LRRC27: variants seen among roughly 807,000 people sequenced by gnomAD.
LRRC27 encodes the protein leucine-rich repeat-containing protein 27.
LRRC27 carries 57 observed loss-of-function variants against 55.0 expected under a neutral mutation model. The ratio of observed to expected loss-of-function variants is 1.04; its 90% confidence interval spans 0.84 to 1.29. The LOEUF is 1.29. Ranked by LOEUF, LRRC27 falls within the 50% of genes most tolerant of loss-of-function variation. The pLI is 0.00. For synonymous variants in LRRC27, 278 were observed against 251.9 expected, an observed-to-expected ratio of 1.10 and a Z score of -0.98; for missense variants, 721 against 651.5, an observed-to-expected ratio of 1.11 and a Z score of -1.16.
intron 6 of LRRC27, chr10:132,349,055 G>C: frequency 6.2e-7 from 1 of 1,603,496 alleles, no homozygotes; most frequent in Non-Finnish European, 8.5e-7. Flanking sequence ...ACACATATGG[G>C]AGGTATGTAT....
At chr10:132,366,921 G>A (rs777856435) in intron 10 of LRRC27, 147 of 1,284,312 alleles carry the variant, frequency 1.1e-4, no homozygotes, top group African/African-American at 1.7e-4. Flanking sequence ...AACCTGACTC[G>A]GACCCCACTT....
chr10:132,366,397 A>G (rs1044607421), intron 10 of LRRC27: 2 of 152,460 alleles, frequency 1.3e-5, no homozygotes, highest in Non-Finnish European at 2.9e-5. Context: ...AATGTTAACC[A>G]TCCTCTCAGC....
intron 10 of LRRC27, among the ~76,000 whole-genome samples, chr10:132,370,637 C>T (rs1008400558): frequency 8.5e-5 from 13 of 152,206 alleles, no homozygotes; most frequent in Non-Finnish European, 1.8e-4. Context: ...AGAGGGGTCC[C>T]TGAGACAGAC....
chr10:132,369,535 G>C lies in LRRC27; in HGVS notation c.1416+3985G>C, dbSNP rs773529826. ...TGGTGAAAGGATCATGGTGGCCCGG[G>C]TGGGGGTAGTAGGATATTGAGGGGT... is the stretch of plus-strand genomic sequence containing the variant. On this transcript the variant is annotated intron_variant, in intron 10 of 10. Transcript: ENST00000368614. 5.3e-5 allele frequency among the ~76,000 whole-genome samples: 8 copies of C among 152,060 alleles called. No individual in the cohort carries two copies. The East Asian group carries it at 9.6e-4, about 18-fold the overall frequency.
intron 3 of LRRC27, among the ~76,000 whole-genome samples, chr10:132,341,193 C>T (rs1278188018): frequency 2.0e-5 from 3 of 151,956 alleles, no homozygotes; most frequent in African/African-American, 4.8e-5. Context: ...CTCAGCCAGG[C>T]GTGGTGGCAC....
At chr10:132,339,287 C>G (rs1343276033) in intron 3 of LRRC27, among the ~76,000 whole-genome samples, 1 of 152,234 alleles carries the variant, frequency 6.6e-6, no homozygotes, top group East Asian at 1.9e-4. Context: ...CTTCACTTGC[C>G]TTGAACTCAC....
rs2069320964 is a variant in LRRC27 at position 132,375,305 on chromosome 10, G to T, written c.*63G>T. 52 of 1,500,060 alleles carry T rather than the reference G, an allele frequency of 3.5e-5. 1 individual carries two copies. In the South Asian group the frequency reaches 6.4e-4, roughly 18 times the overall value. The allele number at this position is 1,500,060 out of a possible 1,614,324, so 92.9% of individuals were successfully genotyped here. A position where few individuals can be genotyped will look rare whatever the true frequency, so the allele number is the denominator to read the frequency against. On this transcript the variant is annotated 3_prime_UTR_variant, in exon 11 of 11. Transcript: ENST00000368614. ...GGAGCCGCTCAGTCTTCTTTCCCGG[G>T]CGTCGCCTCCTGTGTGGTGCCGGAA...
At chr10:132,369,793 G>A (rs1480082061) in intron 10 of LRRC27, among the ~76,000 whole-genome samples, 1 of 152,104 alleles carries the variant, frequency 6.6e-6, no homozygotes, top group African/African-American at 2.4e-5. Flanking sequence ...ATCAAGTCCG[G>A]GTTTTTTAAA....
intron 8 of LRRC27, among the ~76,000 whole-genome samples, chr10:132,359,818 G>A (rs927416180): frequency 3.9e-5 from 6 of 152,234 alleles, no homozygotes; most frequent in Admixed American, 3.9e-4. Context: ...CATATTTTGG[G>A]CTTCACGTCA....
chr10:132,380,436 C>A lies in LRRC27; in HGVS notation c.*5194C>A, dbSNP rs1256062212. Among the ~76,000 whole-genome samples, 2 of 152,216 alleles carry A rather than the reference C, an allele frequency of 1.3e-5. No homozygotes were observed. Among genetic ancestry groups the A allele is most frequent in the African/African-American group, 4.8e-5 (2 of 41,460 alleles). ...CATGTCAAGGATCCGCTTAAAACAT[C>A]GTGTGGTGCTAATCTCTGCACGAGC... is the stretch of plus-strand genomic sequence containing the variant. On this transcript the variant is annotated 3_prime_UTR_variant, in exon 11 of 11. Transcript: ENST00000368614.
At chr10:132,349,012 A>G (rs760434536) in intron 6 of LRRC27, 2 of 1,610,990 alleles carry the variant, frequency 1.2e-6, no homozygotes, top group African/African-American at 2.7e-5. Flanking sequence ...TGAGAGAAAA[A>G]CTCGAATCAT....
At chr10:132,341,448 A>G (rs1192446201) in intron 3 of LRRC27, among the ~76,000 whole-genome samples, 1 of 152,198 alleles carries the variant, frequency 6.6e-6, no homozygotes, top group East Asian at 1.9e-4. Context: ...AAAAGTTACA[A>G]AATAGAGTTT....
At chr10:132,347,685 G>A (rs1227779693) in intron 5 of LRRC27, among the ~76,000 whole-genome samples, 1 of 150,614 alleles carries the variant, frequency 6.6e-6, no homozygotes, top group Non-Finnish European at 1.5e-5. Flanking sequence ...TGCGCCCGGT[G>A]GTGCCTGCGG....
rs2069363395 is a variant in LRRC27, at chr10:132,378,216, G to C, written c.*2974G>C. Reference sequence around the variant, plus strand: ...GATTCAATGTTCATTGTTATTTGTTGCTCCTTTGAAGGTAATGGGTCTTTT... The same window carrying C: ...GATTCAATGTTCATTGTTATTTGTTCCTCCTTTGAAGGTAATGGGTCTTTT... On this transcript the variant is annotated 3_prime_UTR_variant, in exon 11 of 11. Coordinates refer to ENST00000368614, the MANE Select transcript of LRRC27 (RefSeq NM_030626.3). 6.6e-6 allele frequency: 1 copy of C among 151,178 alleles called. No individual in the cohort carries two copies. The highest frequency in any genetic ancestry group is 1.5e-5 in the Non-Finnish European group (1 of 67,866). The allele number at this position is 151,178 out of a possible 1,614,324, so 9.4% of individuals were successfully genotyped here.
chr10:132,346,684 T>A (rs933703266), intron 5 of LRRC27, among the ~76,000 whole-genome samples: 2 of 152,154 alleles, frequency 1.3e-5, no homozygotes, highest in Non-Finnish European at 2.9e-5. Flanking sequence ...AATAAATAAA[T>A]AAAAGTCTTT....
intron 9 of LRRC27, among the ~76,000 whole-genome samples, chr10:132,365,179 G>C (rs74893261): frequency 8.5e-5 from 13 of 152,346 alleles, no homozygotes; most frequent in Non-Finnish European, 1.8e-4. Flanking sequence ...TGTTCTGGCA[G>C]CTTCTGAACT....
chr10:132,359,923 G>A (rs968674940), intron 8 of LRRC27, among the ~76,000 whole-genome samples: 7 of 152,186 alleles, frequency 4.6e-5, no homozygotes, highest in Admixed American at 1.3e-4. Flanking sequence ...CGGTGTGTTC[G>A]TGTTTATATT....
intron 8 of LRRC27, among the ~76,000 whole-genome samples, chr10:132,360,952 C>T (rs142026394): frequency 9.1e-4 from 138 of 152,342 alleles, no homozygotes; most frequent in African/African-American, 3.2e-3. Context: ...GAGGCAGCAG[C>T]GAGCAGCACT....
chr10:132,373,380 G>T (rs142925066), intron 10 of LRRC27, among the ~76,000 whole-genome samples: 1 of 152,266 alleles, frequency 6.6e-6, no homozygotes, highest in Admixed American at 6.5e-5. Flanking sequence ...CGTGCTTCCT[G>T]CTAGAAGGGC....
Sources: gnomAD v4.1 joint callset for allele counts (sites outside exome capture counted in the v4.1 genomes callset) on GRCh38, gnomAD v4.1.1 for gene constraint, MANE v1.5 for transcripts, NCBI Gene and HGNC (gene_info 2026-07-23, HGNC 2026-07-21) for gene names.